PTPRM: variants seen among roughly 807,000 people sequenced by gnomAD.
PTPRM encodes protein tyrosine phosphatase receptor type M.
Under a neutral mutation model 186.7 loss-of-function variants are expected in PTPRM, and 47 were observed. The observed-to-expected ratio is 0.25, with a 90% CI of 0.20 to 0.32. The LOEUF is 0.32. PTPRM is among the 10% of genes least tolerant of loss of function. The probability of loss-of-function intolerance (pLI) is 1.00; values close to 1 mark genes in which losing one functional copy is unlikely to be tolerated. For synonymous variants in PTPRM, 668 were observed against 674.9 expected (o/e 0.99, Z 0.16); for missense variants, 1,494 against 1,865.0 (o/e 0.80, Z 3.66).
Position 8,143,695 on chromosome 18 carries a change from A to G in PTPRM, c.2216A>G (p.His739Arg), listed in dbSNP as rs1291634294. The change falls in exon 14 of 33, where the codon CAT (histidine) becomes CGT (arginine). Residue 739 changes from histidine to arginine, a missense_variant. This residue lies in a region of PTPRM where 1,107 missense variants were observed against 1,350.2 expected (regional missense o/e 0.82). Transcript: ENST00000580170. ...CCAGAACCCGAGAAACAGACAGACC[A>G]TACAGTTAAAATTGCTGGAGTCATC... ...PVPEPEKQTD[H>R]TVKIAGVIAG... 1 of 1,609,856 alleles carries G rather than the reference A, an allele frequency of 6.2e-7. No homozygotes were observed. Among genetic ancestry groups the G allele is most frequent in the Non-Finnish European group, 8.5e-7 (1 of 1,176,200 alleles).
At chr18:7,993,661 T>C (rs542979665) in intron 7 of PTPRM, among the ~76,000 whole-genome samples, 193 of 152,202 alleles carry the variant, frequency 1.3e-3, no homozygotes, top group African/African-American at 4.4e-3. Context: ...ATATAAAGTG[T>C]TTCCTAGACA....
intron 22 of PTPRM, among the ~76,000 whole-genome samples, chr18:8,336,045 A>G (rs1443327029): frequency 6.6e-6 from 1 of 151,986 alleles, no homozygotes; most frequent in Non-Finnish European, 1.5e-5. Flanking sequence ...AAATAAATAA[A>G]TAAATAGTAA....
intron 7 of PTPRM, among the ~76,000 whole-genome samples, chr18:7,982,367 G>A (rs559594716): frequency 2.7e-5 from 4 of 150,336 alleles, no homozygotes; most frequent in African/African-American, 9.8e-5. Flanking sequence ...TCTGGGTCAG[G>A]ATCACTGATA....
At chr18:7,667,278 A>G (rs1212384538) in intron 1 of PTPRM, among the ~76,000 whole-genome samples, 1 of 152,236 alleles carries the variant, frequency 6.6e-6, no homozygotes, top group Non-Finnish European at 1.5e-5. Context: ...AGGTCTAGAT[A>G]GAATCAGTGT....
At chr18:7,739,637 T>A (rs1180255919) in intron 1 of PTPRM, among the ~76,000 whole-genome samples, 1 of 152,206 alleles carries the variant, frequency 6.6e-6, no homozygotes, top group Non-Finnish European at 1.5e-5. Flanking sequence ...AGTCATTGGA[T>A]TTTCCTAGTT....
At chr18:8,090,477 T>C (rs1253327052) in intron 11 of PTPRM, among the ~76,000 whole-genome samples, 1 of 152,228 alleles carries the variant, frequency 6.6e-6, no homozygotes, top group African/African-American at 2.4e-5. Context: ...TATCCCATGG[T>C]ACTTTGTTCT....
At chr18:7,822,113 A>G (rs1162650035) in intron 2 of PTPRM, among the ~76,000 whole-genome samples, 1 of 152,192 alleles carries the variant, frequency 6.6e-6, no homozygotes, top group African/African-American at 2.4e-5. Context: ...ATTTATATTT[A>G]TTGACATCAC....
intron 2 of PTPRM, among the ~76,000 whole-genome samples, chr18:7,836,316 A>G (rs563647852): frequency 3.3e-4 from 50 of 152,258 alleles, no homozygotes; most frequent in African/African-American, 1.2e-3. Context: ...TGTATAACTC[A>G]TTATTTTAAG....
At chr18:8,243,977 C>G (rs1295676976) in intron 14 of PTPRM, 81 bp from the exon 15 acceptor site, 2 of 1,342,886 alleles carry the variant, frequency 1.5e-6, no homozygotes, top group Non-Finnish European at 2.1e-6. Flanking sequence ...GATGTTATTC[C>G]TGAACATCTG....
rs1340634101 is a variant in PTPRM at position 7,949,039 on chromosome 18, G to C, written c.664-142G>C. ...TAGTTTCCTGCTCAGCTATTCTCCT[G>C]GTACAACTGCCCATGGGTAATAAGC... On this transcript the variant is annotated intron_variant, in intron 5 of 32. Coordinates refer to ENST00000580170, the MANE Select transcript of PTPRM (RefSeq NM_001105244.2). 3 of 708,378 alleles carry C rather than the reference G, an allele frequency of 4.2e-6. No homozygotes were observed. The East Asian group carries it at 8.0e-5, about 19-fold the overall frequency. The allele number at this position is 708,378 out of a possible 1,614,324, so 43.9% of individuals were successfully genotyped here. A position where few individuals can be genotyped will look rare whatever the true frequency, so the allele number is the denominator to read the frequency against.
chr18:7,870,943 G>C (rs2047953727), intron 2 of PTPRM, among the ~76,000 whole-genome samples: 1 of 152,180 alleles, frequency 6.6e-6, no homozygotes, highest in Non-Finnish European at 1.5e-5. Flanking sequence ...TGACGTATCT[G>C]ACCTGTTTGT....
chr18:7,596,483 A>G (rs1313379908), intron 1 of PTPRM, among the ~76,000 whole-genome samples: 1 of 152,214 alleles, frequency 6.6e-6, no homozygotes, highest in Non-Finnish European at 1.5e-5. Context: ...ACAGTAAGGT[A>G]TTTGGAGAGA....
chr18:8,306,677 T>A (rs2095225560), intron 20 of PTPRM, among the ~76,000 whole-genome samples: 4 of 152,214 alleles, frequency 2.6e-5, no homozygotes, highest in African/African-American at 9.6e-5. Context: ...CCAAACTTTT[T>A]CCTCCCTTCA....
intron 1 of PTPRM, among the ~76,000 whole-genome samples, chr18:7,585,685 A>T (rs994354487): frequency 3.3e-5 from 5 of 152,138 alleles, no homozygotes; most frequent in Non-Finnish European, 7.4e-5. Context: ...TTTGAAAGGA[A>T]GTGGTAAACC....
At chr18:7,690,836 T>C (rs115829151) in intron 1 of PTPRM, among the ~76,000 whole-genome samples, 1,694 of 152,320 alleles carry the variant, frequency 0.011, 43 homozygotes, top group African/African-American at 0.039. Flanking sequence ...AATAAAGAGT[T>C]AGTACTGAGC....
chr18:8,401,420 A>G (rs1276818859), intron 32 of PTPRM, among the ~76,000 whole-genome samples: 3 of 152,198 alleles, frequency 2.0e-5, no homozygotes, highest in Admixed American at 2.0e-4. Flanking sequence ...GCTGGCCACA[A>G]CCTGGCTGGG....
At chr18:8,065,576 T>C (rs576276755) in intron 7 of PTPRM, among the ~76,000 whole-genome samples, 1 of 152,196 alleles carries the variant, frequency 6.6e-6, no homozygotes, top group South Asian at 2.1e-4. Flanking sequence ...CAACGGGGCC[T>C]GTCATGATAC....
intron 13 of PTPRM, among the ~76,000 whole-genome samples, chr18:8,127,821 C>T (rs2092409580): frequency 6.6e-6 from 1 of 152,112 alleles, no homozygotes; most frequent in Non-Finnish European, 1.5e-5. Context: ...CTGGCCCTAC[C>T]ATGAGCTCTA....
At chr18:8,362,380 C>T (rs2148400548) in intron 23 of PTPRM, among the ~76,000 whole-genome samples, 1 of 152,344 alleles carries the variant, frequency 6.6e-6, no homozygotes, top group East Asian at 1.9e-4. Context: ...AAACCCATTC[C>T]TGTGTCTTCC....
Sources: allele counts gnomAD v4.1 joint callset (sites outside exome capture counted in the v4.1 genomes callset), GRCh38; gene constraint gnomAD v4.1.1; regional missense constraint gnomAD v4.1.1; transcripts MANE v1.5; gene names NCBI Gene and HGNC (gene_info 2026-07-23, HGNC 2026-07-21).